The following HECW2 variants were observed in gnomAD, a reference collection of about 807,000 sequenced individuals.
HECW2 encodes HECT, C2 and WW domain containing E3 ubiquitin protein ligase 2.
In HECW2, 61 loss-of-function variants were observed where a neutral mutation model predicts 175.2. The ratio of observed to expected loss-of-function variants is 0.35; its 90% CI spans 0.28 to 0.43. The LOEUF (loss-of-function observed/expected upper bound fraction) is 0.43, where lower values mean the gene tolerates loss of function less well. Ranked by LOEUF, HECW2 falls within the 20% of genes least tolerant of loss-of-function variation. The probability of loss-of-function intolerance (pLI) is 1.00; values close to 1 mark genes in which losing one functional copy is unlikely to be tolerated. For synonymous variants in HECW2, 671 were observed against 731.0 expected (o/e 0.92, Z 1.32); for missense variants, 1,524 against 2,000.5 (o/e 0.76, Z 4.54).
At chr2:196,516,030 G>A (rs557276194) in intron 1 of HECW2, among the ~76,000 whole-genome samples, 19 of 152,064 alleles carry the variant, frequency 1.2e-4, no homozygotes, top group African/African-American at 2.2e-4. Context: ...CCAGCTACTC[G>A]GGTGGCTAAG....
chr2:196,577,446 T>C (rs897174388), intron 1 of HECW2, among the ~76,000 whole-genome samples: 2 of 152,162 alleles, frequency 1.3e-5, no homozygotes, highest in African/African-American at 4.8e-5. Context: ...AAGGATCTAT[T>C]AGACCTGATG....
At chr2:196,271,315 C>A in intron 16 of HECW2, 26 bp from the exon 17 acceptor site, 1 of 1,475,304 alleles carries the variant, frequency 6.8e-7, no homozygotes, top group South Asian at 1.1e-5. Flanking sequence ...GAAAAGACAA[C>A]AATTTAAAAA....
chr2:196,334,159 G>C (rs929875451), intron 4 of HECW2, among the ~76,000 whole-genome samples: 1 of 152,200 alleles, frequency 6.6e-6, no homozygotes, highest in Non-Finnish European at 1.5e-5. Flanking sequence ...TGGGGCACTT[G>C]CTACTTTGCT....
intron 1 of HECW2, among the ~76,000 whole-genome samples, chr2:196,567,341 C>T (rs945959790): frequency 2.0e-5 from 3 of 152,148 alleles, no homozygotes; most frequent in Admixed American, 6.5e-5. Context: ...TGGAGAAGTG[C>T]CTATTATAGC....
chr2:196,570,194 C>T (rs905152405), intron 1 of HECW2, among the ~76,000 whole-genome samples: 3 of 152,136 alleles, frequency 2.0e-5, no homozygotes, highest in African/African-American at 7.2e-5. Context: ...GTTTTCTTAA[C>T]TATAAAATAA....
At chr2:196,273,049 ATTT>A (rs778348590) in intron 16 of HECW2, among the ~76,000 whole-genome samples, 73 of 112,990 alleles carry the variant, frequency 6.5e-4, no homozygotes, top group African/African-American at 9.6e-4. Flanking sequence ...AGCTGGTCTA[ATTT>A]TTTTTTTTTT....
rs375518920 is a variant in HECW2, at chr2:196,306,561, G to A, written c.2741C>T (p.Thr914Met). The A allele has an allele frequency of 3.7e-6, 6 of 1,612,876 alleles. No individual in the cohort carries two copies. The highest frequency in any genetic ancestry group is 1.7e-5 in the Admixed American group (1 of 59,866). ...CACGGGGGGAGACTGTAACAGCAACGTGATCCTGGATCTGGAGGTAGAGTG... is the reference window on the plus strand; with the variant it reads ...CACGGGGGGAGACTGTAACAGCAACATGATCCTGGATCTGGAGGTAGAGTG... ...LPHSTSRSRITLLLQSPPVKF... is the reference protein window; with the variant it reads ...LPHSTSRSRIMLLLQSPPVKF... Residue 914 changes from threonine to methionine, a missense_variant, in exon 13 of 29, where the codon ACG becomes ATG. By Grantham distance (81) the Thr-to-Met change is moderately conservative (BLOSUM62 -1). This residue lies in a region of HECW2 where 105 missense variants were observed against 98.1 expected (regional missense o/e 1.07). Transcript: ENST00000644978.
intron 20 of HECW2, among the ~76,000 whole-genome samples, chr2:196,241,082 T>A (rs1688436090): frequency 6.6e-6 from 1 of 152,184 alleles, no homozygotes; most frequent in African/African-American, 2.4e-5. Flanking sequence ...ATTAAGTGAA[T>A]CTTGACAGTC....
chr2:196,222,413 A>G (rs1216530923), intron 23 of HECW2, 73 bp from the exon 24 acceptor site: 1 of 1,430,650 alleles, frequency 7.0e-7, no homozygotes, highest in African/African-American at 1.4e-5. Context: ...ATAAGGAAAG[A>G]AACTAAGAAT....
intron 2 of HECW2, among the ~76,000 whole-genome samples, chr2:196,358,766 G>A (rs760707540): frequency 6.6e-6 from 1 of 151,610 alleles, no homozygotes; most frequent in South Asian, 2.1e-4. Flanking sequence ...TAAAACAAAG[G>A]CATGCTTATT....
chr2:196,574,335 C>G (rs527510982), intron 1 of HECW2, among the ~76,000 whole-genome samples: 1 of 151,722 alleles, frequency 6.6e-6, no homozygotes, highest in African/African-American at 2.4e-5. Context: ...GAGGCTGAGG[C>G]AGGAGAATTG....
chr2:196,444,537 C>A lies in HECW2; in HGVS notation c.-35-11079G>T, dbSNP rs528644961. 7.9e-5 allele frequency among the ~76,000 whole-genome samples: 12 copies of A among 152,310 alleles called. 1 individual carries two copies. The South Asian group carries it at 2.5e-3, about 32-fold the overall frequency. ...TAAGCCAAGTTCACATCATTTCATACCTAGACCACCACTTCTTAAAAGACC... is the reference window on the plus strand; with the variant it reads ...TAAGCCAAGTTCACATCATTTCATAACTAGACCACCACTTCTTAAAAGACC... On this transcript the variant is annotated intron_variant, in intron 1 of 28. Coordinates refer to ENST00000644978, the MANE Select transcript of HECW2 (RefSeq NM_001348768.2).
chr2:196,403,347 C>T (rs112536677), intron 2 of HECW2, among the ~76,000 whole-genome samples: 5 of 152,254 alleles, frequency 3.3e-5, no homozygotes, highest in Middle Eastern at 3.4e-3. Context: ...GCAACAGATG[C>T]TTAAGTGTTT....
intron 1 of HECW2, among the ~76,000 whole-genome samples, chr2:196,508,178 CT>C (rs1307146959): frequency 6.6e-6 from 1 of 152,190 alleles, no homozygotes; most frequent in African/African-American, 2.4e-5. Context: ...AAATACACTA[CT>C]TTTCTTCAGC....
intron 1 of HECW2, among the ~76,000 whole-genome samples, chr2:196,443,903 C>T (rs547844777): frequency 1.2e-4 from 18 of 152,204 alleles, no homozygotes; most frequent in South Asian, 4.1e-4. Flanking sequence ...GGCATGGTGG[C>T]GTGCGCCTAT....
intron 2 of HECW2, among the ~76,000 whole-genome samples, chr2:196,407,104 G>T (rs1011962204): frequency 6.6e-6 from 1 of 152,056 alleles, no homozygotes. Flanking sequence ...TGCTTTCTCA[G>T]TAGAGCTTAG....
At chr2:196,530,548 G>C (rs1355748216) in intron 1 of HECW2, among the ~76,000 whole-genome samples, 1 of 152,150 alleles carries the variant, frequency 6.6e-6, no homozygotes, top group Non-Finnish European at 1.5e-5. Flanking sequence ...TAAATTGCAA[G>C]CTTAATTCCC....
At position 196,491,489 on chromosome 2, in the gene HECW2, CAT is replaced by C. The variant is rs201385726; in HGVS notation, c.-35-58033_-35-58032del. ...AGGTGTGTGTATATATATATATACA[CAT>C]ATATATATATACACACACACACACA... is the stretch of plus-strand genomic sequence containing the variant. On this transcript the variant is annotated intron_variant, in intron 1 of 28. Coordinates refer to ENST00000644978, the MANE Select transcript of HECW2 (RefSeq NM_001348768.2). Among the ~76,000 whole-genome samples the C allele has an allele frequency of 5.7e-3, 660 of 116,122 alleles. 4 individuals carry two copies. The highest frequency in any genetic ancestry group is 0.018 in the African/African-American group (382 of 21,350). The allele number at this position is 116,122 out of a possible 152,430, so 76.2% of individuals were successfully genotyped here. A position where few individuals can be genotyped will look rare whatever the true frequency, so the allele number is the denominator to read the frequency against.
At chr2:196,386,593 A>G (rs911571416) in intron 2 of HECW2, among the ~76,000 whole-genome samples, 6 of 152,190 alleles carry the variant, frequency 3.9e-5, no homozygotes, top group African/African-American at 1.4e-4. Context: ...AAATTAGGAA[A>G]AGGTGAGAAA....
Sources: gnomAD v4.1 joint callset for allele counts (sites outside exome capture counted in the v4.1 genomes callset) on GRCh38, gnomAD v4.1.1 for gene constraint, gnomAD v4.1.1 regional missense constraint, MANE v1.5 for transcripts, NCBI Gene and HGNC (gene_info 2026-07-23, HGNC 2026-07-21) for gene names.